Variants in RNF212 observed in about 807,000 individuals in gnomAD.
RNF212 encodes the protein ring finger protein 212, also known as probable E3 SUMO-protein ligase RNF212.
RNF212 carries 33 observed loss-of-function variants against 34.7 expected under a neutral mutation model. The ratio of observed to expected loss-of-function variants is 0.95; its 90% CI spans 0.72 to 1.27. RNF212 has a LOEUF of 1.27. Ranked by LOEUF, RNF212 falls within the 50% of genes most tolerant of loss-of-function variation. The pLI is 0.00. For synonymous variants in RNF212, 140 were observed against 136.1 expected, an observed-to-expected ratio of 1.03 and a Z score of -0.20; for missense variants, 377 against 362.2, an observed-to-expected ratio of 1.04 and a Z score of -0.33.
Position 1,093,450 on chromosome 4 carries a change from C to T in RNF212, c.247-2612G>A, listed in dbSNP as rs966443081. ...AATACCACCTCACGTCACACAGCTG[C>T]GGGAAAACTCCACCCTGCGTTTGTG... On this transcript the variant is annotated intron_variant, in intron 3 of 9. Transcript: ENST00000433731. 12 of 1,437,130 alleles carry T rather than the reference C, an allele frequency of 8.3e-6. No individual in the cohort carries two copies. In the East Asian group the frequency reaches 1.3e-4, roughly 15 times the overall value. The allele number at this position is 1,437,130 out of a possible 1,614,324, so 89.0% of individuals were successfully genotyped here.
rs1028646812 is a variant in RNF212, at chr4:1,072,180, C to T, written c.*694G>A. 1.3e-5 allele frequency: 2 copies of T among 152,170 alleles called. No individual in the cohort carries two copies. Among genetic ancestry groups the T allele is most frequent in the African/African-American group, 4.8e-5 (2 of 41,414 alleles). The allele number at this position is 152,170 out of a possible 1,614,324, so 9.4% of individuals were successfully genotyped here. Reference sequence around the variant, plus strand: ...TCAATCTGAGAAGCCACATACTGTACAATTCCAACTCCAGGAGAGTCTGAA... The same window carrying T: ...TCAATCTGAGAAGCCACATACTGTATAATTCCAACTCCAGGAGAGTCTGAA... On this transcript the variant is annotated 3_prime_UTR_variant, in exon 10 of 10. Coordinates refer to ENST00000433731, the MANE Select transcript of RNF212 (RefSeq NM_001131034.4).
chr4:1,071,519 T>A lies in RNF212; in HGVS notation c.*1355A>T, dbSNP rs2153035390. The A allele has an allele frequency of 6.6e-6, 1 of 152,068 alleles. No individual in the cohort carries two copies. 9.4% of individuals were successfully genotyped at this position (152,068 alleles called of 1,614,324 possible). On this transcript the variant is annotated 3_prime_UTR_variant, in exon 10 of 10. Coordinates refer to ENST00000433731, the MANE Select transcript of RNF212 (RefSeq NM_001131034.4). ...ATATTTATCTGATAAGGAAATGTCATCCAAAAAAAAGACACACAAAAAAGA... is the reference window on the plus strand; with the variant it reads ...ATATTTATCTGATAAGGAAATGTCAACCAAAAAAAAGACACACAAAAAAGA...
At chr4:1,085,153 A>T (rs1333371910) in intron 5 of RNF212, among the ~76,000 whole-genome samples, 1 of 152,234 alleles carries the variant, frequency 6.6e-6, no homozygotes, top group Non-Finnish European at 1.5e-5. Flanking sequence ...GCTTGTGACT[A>T]TTCAACGCGT....
At chr4:1,068,474 ACTGTTGCTCCATCTCCTCG>A (rs1718235443), downstream of RNF212, among the ~76,000 whole-genome samples, 1 of 152,136 alleles carries the variant, frequency 6.6e-6, no homozygotes, top group Admixed American at 6.5e-5. Flanking sequence ...CTTCTGCTCT[ACTGTTGCTCCATCTCCTCG>A]CTCTTCCTTT....
At chr4:1,107,457 A>G (rs1358895844) in intron 2 of RNF212, 1 of 147,316 alleles carries the variant, frequency 6.8e-6, no homozygotes, top group East Asian at 2.0e-4. Context: ...GGGGACTTAC[A>G]CTTTTTTTTT....
At chr4:1,098,226 C>G (rs1400358293) in intron 2 of RNF212, among the ~76,000 whole-genome samples, 1 of 152,176 alleles carries the variant, frequency 6.6e-6, no homozygotes, top group African/African-American at 2.4e-5. Flanking sequence ...ACCTACCTAC[C>G]AGTGGCTCCC....
At chr4:1,108,282 A>G in intron 2 of RNF212, 61 bp downstream of exon 2, 1 of 1,143,624 alleles carries the variant, frequency 8.7e-7, no homozygotes, top group Non-Finnish European at 1.2e-6. Flanking sequence ...AAAATTAAAT[A>G]TCAAATTTAA....
In RNF212 at chr4:1,084,750, A is replaced by T. The variant is rs1041528835; in HGVS notation, c.362+1146T>A. On this transcript the variant is annotated intron_variant, in intron 5 of 9. Transcript: ENST00000433731. ...TCAAAAAAAAAAAAAAAAAAAAAAA[A>T]GCGAAGGAAAGGAAGGAGAAGAGAA... 3.0e-5 allele frequency among the ~76,000 whole-genome samples: 4 copies of T among 134,526 alleles called. No homozygotes were observed. The East Asian group carries it at 8.6e-4, about 29-fold the overall frequency. The allele number at this position is 134,526 out of a possible 152,430, so 88.3% of individuals were successfully genotyped here. A position where few individuals can be genotyped will look rare whatever the true frequency, so the allele number is the denominator to read the frequency against.
At chr4:1,086,000 A>G in intron 4 of RNF212, 46 bp from the exon 5 acceptor site, 1 of 1,357,952 alleles carries the variant, frequency 7.4e-7, no homozygotes, top group Non-Finnish European at 1.1e-6. Flanking sequence ...GGCTATGCTG[A>G]GTGACATGTG....
intron 1 of RNF212, among the ~76,000 whole-genome samples, chr4:1,111,267 T>C (rs1054007408): frequency 6.6e-6 from 1 of 151,782 alleles, no homozygotes; most frequent in Non-Finnish European, 1.5e-5. Flanking sequence ...TCCTTCACCT[T>C]TGGGGCTCTC....
intron 3 of RNF212, chr4:1,093,544 C>CT: frequency 6.5e-7 from 1 of 1,535,418 alleles, no homozygotes; most frequent in South Asian, 1.2e-5. Flanking sequence ...CCTGTGACCT[C>CT]CACGGCCCAT....
At chr4:1,083,169 G>A (rs1260338838) in intron 5 of RNF212, among the ~76,000 whole-genome samples, 2 of 152,202 alleles carry the variant, frequency 1.3e-5, no homozygotes, top group African/African-American at 4.8e-5. Context: ...TCCCTCCAGC[G>A]AGAGTGGAAG....
intron 3 of RNF212, among the ~76,000 whole-genome samples, chr4:1,065,470 C>T (rs569163811): frequency 6.6e-5 from 10 of 152,100 alleles, no homozygotes; most frequent in African/African-American, 1.2e-4. Context: ...TCTCCTCTCT[C>T]GTTTTCTTTT....
chr4:1,111,968 G>A (rs145692089), intron 1 of RNF212, among the ~76,000 whole-genome samples: 2,032 of 152,266 alleles, frequency 0.013, 15 homozygotes, highest in Non-Finnish European at 0.019. Context: ...CCCACATTTC[G>A]GGAGGCCAAG....
At chr4:1,094,606 C>T (rs1331468775) in intron 3 of RNF212, among the ~76,000 whole-genome samples, 1 of 152,086 alleles carries the variant, frequency 6.6e-6, no homozygotes, top group Non-Finnish European at 1.5e-5. Context: ...AACACTTCCA[C>T]AGCAGGGGCT....
chr4:1,096,732 T>G, intron 3 of RNF212, 33 bp downstream of exon 3: 1 of 1,515,378 alleles, frequency 6.6e-7, no homozygotes, highest in Admixed American at 1.7e-5. Context: ...ACCTGGCTCA[T>G]CACGGAACCA....
At chr4:1,110,801 T>TTTC (rs2077054300) in intron 1 of RNF212, among the ~76,000 whole-genome samples, 1 of 152,146 alleles carries the variant, frequency 6.6e-6, no homozygotes, top group South Asian at 2.1e-4. Context: ...CTCCACCCCT[T>TTTC]TTCACCACTT....
At chr4:1,079,576 AC>A (rs1719992069) in intron 8 of RNF212, 66 bp downstream of exon 8, 1 of 1,094,154 alleles carries the variant, frequency 9.1e-7, no homozygotes, top group South Asian at 1.2e-5. Flanking sequence ...GTTTTTCACT[AC>A]TGAGGAAAAT....
intron 2 of RNF212, among the ~76,000 whole-genome samples, chr4:1,102,097 A>G (rs1285967101): frequency 6.6e-6 from 1 of 152,250 alleles, no homozygotes; most frequent in African/African-American, 2.4e-5. Flanking sequence ...ATGACCCTAT[A>G]GTGTAATATT....
Sources: allele counts gnomAD v4.1 joint callset (sites outside exome capture counted in the v4.1 genomes callset), GRCh38; gene constraint gnomAD v4.1.1; transcripts MANE v1.5; gene names NCBI Gene and HGNC (gene_info 2026-07-23, HGNC 2026-07-21).